The following VAV3 variants were observed in gnomAD, a reference collection of about 807,000 sequenced individuals.
The protein encoded by VAV3 is guanine nucleotide exchange factor VAV3.
Under a neutral mutation model 131.2 loss-of-function variants are expected in VAV3, and 94 were observed. That is an observed-to-expected ratio of 0.72 (90% CI 0.61 to 0.85). The LOEUF is 0.85. Among genes scored for constraint, VAV3 ranks in the 40% least tolerant of loss-of-function variants. The pLI, the probability that VAV3 is intolerant of heterozygous loss-of-function variation, is 0.00. For missense variants in VAV3, 939 were observed against 1,002.7 expected (o/e 0.94, Z 0.86); for synonymous variants, 349 against 342.0 (o/e 1.02, Z -0.22).
At chr1:107,958,029 C>T (rs1224992915) in intron 1 of VAV3, among the ~76,000 whole-genome samples, 2 of 152,152 alleles carry the variant, frequency 1.3e-5, no homozygotes, top group Non-Finnish European at 2.9e-5. Context: ...GCAGACAGAA[C>T]AAGTGCTTAA....
At chr1:107,611,725 T>C (rs939301579) in intron 21 of VAV3, among the ~76,000 whole-genome samples, 1 of 151,938 alleles carries the variant, frequency 6.6e-6, no homozygotes, top group South Asian at 2.1e-4. Flanking sequence ...AAGGAAACAG[T>C]GACAGAAGAT....
intron 19 of VAV3, among the ~76,000 whole-genome samples, chr1:107,649,130 G>A (rs1413438217): frequency 6.6e-6 from 1 of 152,074 alleles, no homozygotes; most frequent in Non-Finnish European, 1.5e-5. Flanking sequence ...TGACACGTCT[G>A]TATGCAGCTC....
At chr1:107,742,457 C>T (rs575269664) in intron 15 of VAV3, among the ~76,000 whole-genome samples, 157 of 152,240 alleles carry the variant, frequency 1.0e-3, no homozygotes, top group Non-Finnish European at 1.6e-3. Flanking sequence ...ACTAAAGGTA[C>T]ACCAAAATAA....
chr1:107,729,271 T>C (rs1427867622), intron 15 of VAV3, among the ~76,000 whole-genome samples: 9 of 152,210 alleles, frequency 5.9e-5, no homozygotes, highest in Admixed American at 5.9e-4. Context: ...ATTAATGTAC[T>C]ATCAGAGAAC....
chr1:107,620,199 T>C (rs1225748447), intron 20 of VAV3, among the ~76,000 whole-genome samples: 1 of 152,142 alleles, frequency 6.6e-6, no homozygotes, highest in African/African-American at 2.4e-5. Flanking sequence ...TAATAAATGT[T>C]TCTAAGGGGA....
chr1:107,815,793 A>C lies in VAV3; in HGVS notation c.322-36301T>G, dbSNP rs139498906. Among the ~76,000 whole-genome samples the C allele has an allele frequency of 2.7e-3, 415 of 152,274 alleles. 2 individuals carry two copies. Among genetic ancestry groups the C allele is most frequent in the African/African-American group, 9.3e-3 (387 of 41,534 alleles). On this transcript the variant is annotated intron_variant, in intron 2 of 26. Coordinates refer to ENST00000370056, the MANE Select transcript of VAV3 (RefSeq NM_006113.5). ...TCTTCTTTAGCCACATATATGCACA[A>C]ATTTTTTTGCCTAACACAACAGTCT... is the stretch of plus-strand genomic sequence containing the variant.
intron 25 of VAV3, among the ~76,000 whole-genome samples, chr1:107,592,713 C>T (rs1374649824): frequency 1.3e-5 from 2 of 152,128 alleles, no homozygotes; most frequent in Non-Finnish European, 2.9e-5. Flanking sequence ...TTTCATTCCT[C>T]ATTCATCAGA....
chr1:107,931,977 A>T (rs1340731940), intron 1 of VAV3, among the ~76,000 whole-genome samples: 2 of 152,212 alleles, frequency 1.3e-5, no homozygotes, highest in Non-Finnish European at 2.9e-5. Context: ...TTAACAGTAC[A>T]GCTAATAAAT....
At chr1:107,647,141 T>C (rs138655991) in intron 19 of VAV3, among the ~76,000 whole-genome samples, 6 of 151,214 alleles carry the variant, frequency 4.0e-5, no homozygotes, top group East Asian at 3.9e-4. Context: ...TGCTACAACA[T>C]AGATTAGTAT....
intron 15 of VAV3, among the ~76,000 whole-genome samples, chr1:107,731,966 G>A (rs758404149): frequency 2.0e-5 from 3 of 152,116 alleles, no homozygotes; most frequent in South Asian, 2.1e-4. Flanking sequence ...TATTTGAAGC[G>A]AAAGCATATA....
In VAV3 at chr1:107,727,177, G is replaced by A. The variant is rs547493225; in HGVS notation, c.1502+21791C>T. Reference sequence around the variant, plus strand: ...TTCAAACCCCTCTTCAAGTATGGATGAATTAAGTTTCAGAGAAGAAGACAG... The same window carrying A: ...TTCAAACCCCTCTTCAAGTATGGATAAATTAAGTTTCAGAGAAGAAGACAG... On this transcript the variant is annotated intron_variant, in intron 15 of 26. Coordinates refer to ENST00000370056, the MANE Select transcript of VAV3 (RefSeq NM_006113.5). Among the ~76,000 whole-genome samples, 5 of 152,346 alleles carry A rather than the reference G, an allele frequency of 3.3e-5. No individual in the cohort carries two copies. In the South Asian group the frequency reaches 1.0e-3, roughly 32 times the overall value.
chr1:107,720,076 G>C (rs1282770069), intron 15 of VAV3, among the ~76,000 whole-genome samples: 1 of 152,088 alleles, frequency 6.6e-6, no homozygotes, highest in Non-Finnish European at 1.5e-5. Context: ...GGGGGAATGG[G>C]GCAGGGATAG....
intron 2 of VAV3, among the ~76,000 whole-genome samples, chr1:107,868,739 G>T (rs1670118089): frequency 6.6e-6 from 1 of 152,084 alleles, no homozygotes; most frequent in African/African-American, 2.4e-5. Context: ...CAAATTGCTT[G>T]GAACTTCGGT....
intron 14 of VAV3, 144 bp from the exon 15 acceptor site, chr1:107,749,221 A>G (rs532193550): frequency 1.9e-4 from 156 of 817,946 alleles, no homozygotes; most frequent in Non-Finnish European, 2.8e-4. Context: ...AGTCAACTTC[A>G]TATCTATAAC....
At chr1:107,964,244 CAT>C (rs1430929273) in intron 1 of VAV3, among the ~76,000 whole-genome samples, 1 of 152,172 alleles carries the variant, frequency 6.6e-6, no homozygotes, top group Non-Finnish European at 1.5e-5. Flanking sequence ...TTTAGGAAAA[CAT>C]GAGTACAAGA....
At chr1:107,650,384 G>A (rs1250358943) in intron 19 of VAV3, among the ~76,000 whole-genome samples, 1 of 151,824 alleles carries the variant, frequency 6.6e-6, no homozygotes, top group African/African-American at 2.4e-5. Flanking sequence ...AAAATAATCT[G>A]AACTACTATT....
intron 8 of VAV3, among the ~76,000 whole-genome samples, chr1:107,765,909 G>C (rs1664707536): frequency 6.6e-6 from 1 of 152,154 alleles, no homozygotes; most frequent in Non-Finnish European, 1.5e-5. Context: ...TTTGAAAAGA[G>C]AGATAATTAT....
intron 1 of VAV3, among the ~76,000 whole-genome samples, chr1:107,884,601 A>G (rs941657052): frequency 3.3e-5 from 5 of 151,382 alleles, no homozygotes; most frequent in African/African-American, 9.7e-5. Context: ...AGGCACCACC[A>G]TGCCTCACAA....
intron 17 of VAV3, among the ~76,000 whole-genome samples, chr1:107,701,739 T>C (rs1660145408): frequency 6.6e-6 from 1 of 152,172 alleles, no homozygotes. Flanking sequence ...CACAGATCTC[T>C]AGGGTGGGGC....
Sources: gnomAD v4.1 joint callset for allele counts (sites outside exome capture counted in the v4.1 genomes callset) on GRCh38, gnomAD v4.1.1 for gene constraint, MANE v1.5 for transcripts, NCBI Gene and HGNC (gene_info 2026-07-23, HGNC 2026-07-21) for gene names.